The following XKR9 variants were observed in gnomAD, a reference collection of about 807,000 sequenced individuals.
The protein encoded by XKR9 is XK related 9, also known as XK-related protein 9.
Under a neutral mutation model 32.0 loss-of-function variants are expected in XKR9, and 32 were observed. The observed-to-expected ratio is 1.00, with a 90% CI of 0.76 to 1.34. XKR9 has a LOEUF of 1.34. XKR9 is among the 40% of genes most tolerant of loss of function. The pLI is 0.00. For missense variants in XKR9, 546 were observed against 429.7 expected (o/e 1.27, Z -2.39); for synonymous variants, 168 against 143.4 (o/e 1.17, Z -1.22).
the XKR9 span, among the ~76,000 whole-genome samples, chr8:70,892,623 C>T: frequency 1.1e-4 from 16 of 152,152 alleles, no homozygotes; most frequent in East Asian, 9.6e-4. Context: ...TATTCTTTCT[C>T]GGCAATAGTT....
chr8:70,699,042 T>A (rs917909798), intron 3 of XKR9, among the ~76,000 whole-genome samples: 1 of 152,296 alleles, frequency 6.6e-6, no homozygotes, highest in South Asian at 2.1e-4. Context: ...GCTTGGTAGA[T>A]CTTCCTCCAT....
intron 2 of XKR9, among the ~76,000 whole-genome samples, chr8:70,741,899 C>G (rs1044601256): frequency 3.3e-5 from 5 of 151,658 alleles, no homozygotes; most frequent in African/African-American, 1.2e-4. Context: ...CACTATTTTA[C>G]AATCCCACCA....
intron 4 of XKR9, among the ~76,000 whole-genome samples, chr8:70,723,692 G>T (rs919104201): frequency 2.0e-5 from 3 of 152,096 alleles, no homozygotes; most frequent in Non-Finnish European, 4.4e-5. Flanking sequence ...CAGAAGCTTT[G>T]TCCCAGAGGG....
the XKR9 span, among the ~76,000 whole-genome samples, chr8:70,848,302 A>G: frequency 1.2e-4 from 18 of 152,192 alleles, no homozygotes; most frequent in Non-Finnish European, 2.4e-4. Context: ...ATGGGTATAG[A>G]AGGAATATAC....
At chr8:70,694,135 C>T (rs776065469) in intron 3 of XKR9, among the ~76,000 whole-genome samples, 1 of 152,152 alleles carries the variant, frequency 6.6e-6, no homozygotes, top group Non-Finnish European at 1.5e-5. Context: ...AGAGGTGTTA[C>T]CAGTGAAGGC....
chr8:70,910,348 GAGTTGAC>G, the XKR9 span, among the ~76,000 whole-genome samples: 8 of 152,238 alleles, frequency 5.3e-5, 1 homozygote, highest in East Asian at 1.5e-3. Flanking sequence ...ATGTACACTA[GAGTTGAC>G]AGTCATGAAA....
chr8:70,983,415 G>A, the XKR9 span, among the ~76,000 whole-genome samples: 1 of 152,134 alleles, frequency 6.6e-6, no homozygotes, highest in Non-Finnish European at 1.5e-5. Flanking sequence ...TTTCCTGGCA[G>A]ACTCCATGCA....
chr8:70,884,326 T>G, the XKR9 span, among the ~76,000 whole-genome samples: 1 of 152,176 alleles, frequency 6.6e-6, no homozygotes, highest in Non-Finnish European at 1.5e-5. Context: ...AGTCTATGAC[T>G]TATCACTCTT....
At chr8:70,857,950 T>C in the XKR9 span, among the ~76,000 whole-genome samples, 1 of 152,188 alleles carries the variant, frequency 6.6e-6, no homozygotes, top group Non-Finnish European at 1.5e-5. Flanking sequence ...AAATTAGGTA[T>C]TGATGGGACG....
intron 2 of XKR9, among the ~76,000 whole-genome samples, chr8:70,761,379 T>C (rs972454682): frequency 5.9e-5 from 9 of 152,172 alleles, no homozygotes; most frequent in African/African-American, 2.2e-4. Context: ...CATTTTTTTT[T>C]GACTTTTTAA....
the XKR9 span, among the ~76,000 whole-genome samples, chr8:70,904,296 G>T: frequency 6.6e-6 from 1 of 152,122 alleles, no homozygotes; most frequent in South Asian, 2.1e-4. Context: ...GAATCTGGTT[G>T]CTCCTGTATT....
the XKR9 span, among the ~76,000 whole-genome samples, chr8:70,809,855 G>GAA: frequency 1.3e-5 from 2 of 152,202 alleles, no homozygotes; most frequent in African/African-American, 4.8e-5. Context: ...AACCAAGTTG[G>GAA]AAAACACTCT....
the XKR9 span, among the ~76,000 whole-genome samples, chr8:71,039,788 T>C: frequency 3.3e-5 from 5 of 151,836 alleles, no homozygotes; most frequent in Non-Finnish European, 7.4e-5. Flanking sequence ...TGCCTGGGAG[T>C]GGGGAAGGGG....
the XKR9 span, among the ~76,000 whole-genome samples, chr8:70,998,195 T>C: frequency 6.6e-6 from 1 of 152,224 alleles, no homozygotes; most frequent in Non-Finnish European, 1.5e-5. Flanking sequence ...TACACAGCCT[T>C]TTATCACCCG....
the XKR9 span, among the ~76,000 whole-genome samples, chr8:70,944,760 T>A: frequency 1.3e-5 from 2 of 152,194 alleles, no homozygotes; most frequent in Non-Finnish European, 2.9e-5. Flanking sequence ...GCAAAGCAGT[T>A]TAATGGAGAA....
At chr8:71,051,381 A>G in the XKR9 span, among the ~76,000 whole-genome samples, 1 of 152,152 alleles carries the variant, frequency 6.6e-6, no homozygotes, top group Admixed American at 6.5e-5. Context: ...ACTCATCTCT[A>G]CAGATGGTAT....
At chr8:70,762,324 G>C (rs963344035) in intron 2 of XKR9, among the ~76,000 whole-genome samples, 1 of 151,942 alleles carries the variant, frequency 6.6e-6, no homozygotes, top group Non-Finnish European at 1.5e-5. Flanking sequence ...TCTGTTCCAG[G>C]AGTCACCAAC....
intron 2 of XKR9, among the ~76,000 whole-genome samples, chr8:70,749,343 G>C (rs923867221): frequency 2.0e-5 from 3 of 152,194 alleles, no homozygotes; most frequent in African/African-American, 7.2e-5. Context: ...GGCCCTTCTG[G>C]GAGTCTAGAC....
At chr8:70,967,935 G>A in the XKR9 span, among the ~76,000 whole-genome samples, 3 of 152,056 alleles carry the variant, frequency 2.0e-5, no homozygotes, top group African/African-American at 7.2e-5. Flanking sequence ...TTCTCGTGGA[G>A]TATATTACTG....
Sources: allele counts gnomAD v4.1 joint callset (sites outside exome capture counted in the v4.1 genomes callset), GRCh38; gene constraint gnomAD v4.1.1; transcripts MANE v1.5; gene names NCBI Gene and HGNC (gene_info 2026-07-23, HGNC 2026-07-21).